The following ARID5B variants were observed in gnomAD, a reference collection of about 807,000 sequenced individuals.
The protein encoded by ARID5B is AT-rich interactive domain-containing protein 5B.
A neutral mutation model predicts 97.2 loss-of-function variants in ARID5B; 13 were observed. That is an observed-to-expected ratio of 0.13 (90% CI 0.09 to 0.21). ARID5B has a LOEUF of 0.21. ARID5B is among the 10% of genes least tolerant of loss of function. ARID5B has a pLI of 1.00. For missense variants in ARID5B, 1,210 were observed against 1,465.3 expected (o/e 0.83, Z 2.84); for synonymous variants, 556 against 570.3 (o/e 0.97, Z 0.36).
At chr10:61,925,762 A>G (rs1391217487) in intron 2 of ARID5B, among the ~76,000 whole-genome samples, 1 of 152,216 alleles carries the variant, frequency 6.6e-6, no homozygotes, top group African/African-American at 2.4e-5. Flanking sequence ...ACCAGGTTTT[A>G]GATTAGTGTG....
At chr10:62,034,912 G>A (rs1839542571) in intron 4 of ARID5B, among the ~76,000 whole-genome samples, 1 of 152,190 alleles carries the variant, frequency 6.6e-6, no homozygotes, top group African/African-American at 2.4e-5. Context: ...ATCTTCCCCA[G>A]GGAAATTTTT....
At chr10:62,008,061 A>AC (rs1360080055) in intron 4 of ARID5B, among the ~76,000 whole-genome samples, 1 of 66,532 alleles carries the variant, frequency 1.5e-5, no homozygotes, top group Non-Finnish European at 3.0e-5. Flanking sequence ...CCCGCCCCAC[A>AC]ACACACACAC....
At chr10:61,991,041 T>TACACACACACACACACACAC (rs397802272) in intron 3 of ARID5B, among the ~76,000 whole-genome samples, 92 of 145,146 alleles carry the variant, frequency 6.3e-4, no homozygotes, top group Middle Eastern at 3.4e-3. Flanking sequence ...ATTTATCCTG[T>TACACACACACACACACACAC]ACACACACAC....
intron 3 of ARID5B, among the ~76,000 whole-genome samples, chr10:61,963,558 T>C (rs1352751194): frequency 6.6e-6 from 1 of 152,016 alleles, no homozygotes; most frequent in Non-Finnish European, 1.5e-5. Flanking sequence ...GATGGACAGC[T>C]GACCTATATG....
chr10:62,030,799 G>A (rs1324778797), intron 4 of ARID5B, among the ~76,000 whole-genome samples: 4 of 152,214 alleles, frequency 2.6e-5, no homozygotes, highest in African/African-American at 9.7e-5. Flanking sequence ...CAACCACGAA[G>A]AAGTGTTTTT....
chr10:62,078,001 A>T (rs938467152), intron 8 of ARID5B, among the ~76,000 whole-genome samples: 1 of 152,260 alleles, frequency 6.6e-6, no homozygotes, highest in African/African-American at 2.4e-5. Flanking sequence ...ACCTCTTGGA[A>T]CATTTTGTTT....
chr10:61,946,677 C>T (rs145811487), intron 3 of ARID5B, among the ~76,000 whole-genome samples: 46 of 152,332 alleles, frequency 3.0e-4, no homozygotes, highest in African/African-American at 1.1e-3. Flanking sequence ...AATCCCAAAA[C>T]TTTGGGAGGC....
In ARID5B at chr10:62,047,281, C is replaced by T. The variant is rs180833232; in HGVS notation, c.734-3607C>T. ...GAGTGACTTGTACAGAGAAAGTGCT[C>T]AGAAATGGTTAGCTACTATTATTAT... is the stretch of plus-strand genomic sequence containing the variant. On this transcript the variant is annotated intron_variant, in intron 4 of 9. Coordinates refer to ENST00000279873, the MANE Select transcript of ARID5B (RefSeq NM_032199.3). Among the ~76,000 whole-genome samples the T allele has an allele frequency of 2.4e-3, 368 of 152,230 alleles. 3 individuals carry two copies. Among genetic ancestry groups the T allele is most frequent in the Admixed American group, 4.4e-3 (68 of 15,296 alleles).
At chr10:61,965,586 G>C (rs1259113472) in intron 3 of ARID5B, among the ~76,000 whole-genome samples, 1 of 152,028 alleles carries the variant, frequency 6.6e-6, no homozygotes, top group Non-Finnish European at 1.5e-5. Flanking sequence ...TGAAGTGAAT[G>C]GTTTTTGTGC....
chr10:62,069,600 A>C, intron 7 of ARID5B, 100 bp from the exon 8 acceptor site: 3 of 1,078,788 alleles, frequency 2.8e-6, no homozygotes, highest in Non-Finnish European at 4.2e-6. Context: ...CTGGGTTTCC[A>C]GAACAGACTG....
In ARID5B at chr10:62,092,553, A is replaced by G. The variant is rs1310249320; in HGVS notation, c.3090A>G (p.Ala1030=). The G allele has an allele frequency of 6.2e-7, 1 of 1,614,180 alleles. No individual in the cohort carries two copies. Among genetic ancestry groups the G allele is most frequent in the Admixed American group, 1.7e-5 (1 of 60,020 alleles). ...TGATTGCAGGGAAAAAGGCCCGGGC[A>G]GTGTCTCCCTTAGACCCATCCAAGG... The part of the protein sequence containing the change: ...DLVIAGKKAR[A]VSPLDPSKEV... Residue 1030 remains alanine, a synonymous_variant, in exon 10 of 10, where the codon GCA becomes GCG. Coordinates refer to ENST00000279873, the MANE Select transcript of ARID5B (RefSeq NM_032199.3).
At chr10:61,989,017 C>A (rs548508916) in intron 3 of ARID5B, among the ~76,000 whole-genome samples, 1 of 144,346 alleles carries the variant, frequency 6.9e-6, no homozygotes, top group Non-Finnish European at 1.5e-5. Flanking sequence ...GCAACCTCTG[C>A]CTCCTGGGTT....
intron 2 of ARID5B, among the ~76,000 whole-genome samples, chr10:61,911,010 C>T (rs1843794505): frequency 6.6e-6 from 1 of 152,180 alleles, no homozygotes; most frequent in Admixed American, 6.5e-5. Flanking sequence ...ACCCCATAAA[C>T]ATCTTTTCCC....
chr10:62,031,363 C>T (rs79618425), intron 4 of ARID5B, among the ~76,000 whole-genome samples: 1,596 of 150,466 alleles, frequency 0.011, 23 homozygotes, highest in African/African-American at 0.036. Context: ...GATTGGTCCA[C>T]TTTTCTGCCT....
At chr10:61,943,364 T>C (rs993064904) in intron 3 of ARID5B, among the ~76,000 whole-genome samples, 1 of 152,194 alleles carries the variant, frequency 6.6e-6, no homozygotes, top group Non-Finnish European at 1.5e-5. Flanking sequence ...AATACCACAT[T>C]GTTAATGGAA....
intron 3 of ARID5B, among the ~76,000 whole-genome samples, chr10:61,943,353 C>G (rs1468899979): frequency 6.6e-6 from 1 of 152,160 alleles, no homozygotes; most frequent in Non-Finnish European, 1.5e-5. Context: ...AAACCACCTC[C>G]AATACCACAT....
chr10:61,964,313 A>C (rs928846441), intron 3 of ARID5B, among the ~76,000 whole-genome samples: 3 of 151,996 alleles, frequency 2.0e-5, no homozygotes, highest in Non-Finnish European at 4.4e-5. Context: ...CTATTTATTA[A>C]CCTGCAGGGA....
rs184843775 is a variant in ARID5B at position 62,018,654 on chromosome 10, T to G, written c.733+18333T>G. On this transcript the variant is annotated intron_variant, in intron 4 of 9. Coordinates refer to ENST00000279873, the MANE Select transcript of ARID5B (RefSeq NM_032199.3). ...GTCTTTTATGCACAGAAGGTAATTT[T>G]TTGTGGGTGTTCAGATACAAACATC... is the stretch of plus-strand genomic sequence containing the variant. 6.3e-4 allele frequency among the ~76,000 whole-genome samples: 95 copies of G among 150,938 alleles called. 1 individual carries two copies. Among genetic ancestry groups the G allele is most frequent in the African/African-American group, 2.2e-3 (89 of 40,962 alleles).
intron 3 of ARID5B, 121 bp downstream of exon 3, chr10:61,940,529 A>C: frequency 3.5e-6 from 3 of 860,720 alleles, no homozygotes; most frequent in Non-Finnish European, 5.3e-6. Flanking sequence ...CTTTAACCTC[A>C]AAGGGTCCTA....
Sources: allele counts gnomAD v4.1 joint callset (sites outside exome capture counted in the v4.1 genomes callset), GRCh38; gene constraint gnomAD v4.1.1; transcripts MANE v1.5; gene names NCBI Gene and HGNC (gene_info 2026-07-23, HGNC 2026-07-21).